The following STARD13 variants were observed in gnomAD, a reference collection of about 807,000 sequenced individuals.
The protein encoded by STARD13 is stAR-related lipid transfer protein 13.
A neutral mutation model predicts 106.4 loss-of-function variants in STARD13; 62 were observed. That is an observed-to-expected ratio of 0.58 (90% CI 0.48 to 0.72). STARD13 has a LOEUF of 0.72. Ranked by LOEUF, STARD13 falls within the 30% of genes least tolerant of loss-of-function variation. The pLI, the probability that STARD13 is intolerant of heterozygous loss-of-function variation, is 0.00. For missense variants in STARD13, 1,387 were observed against 1,424.0 expected, an observed-to-expected ratio of 0.97 and a Z score of 0.42; for synonymous variants, 565 against 553.0, an observed-to-expected ratio of 1.02 and a Z score of -0.31.
chr13:33,438,664 A>T, the STARD13 span, among the ~76,000 whole-genome samples: 2 of 152,142 alleles, frequency 1.3e-5, no homozygotes, highest in Non-Finnish European at 2.9e-5. Context: ...TTTTGCCTGG[A>T]GGCCCAGTGT....
the STARD13 span, among the ~76,000 whole-genome samples, chr13:33,612,028 C>T: frequency 1.3e-5 from 2 of 152,118 alleles, no homozygotes; most frequent in African/African-American, 4.8e-5. Context: ...TGTGATGCCT[C>T]CTGGATAAAA....
intron 1 of STARD13, among the ~76,000 whole-genome samples, chr13:33,314,309 G>A (rs1423847524): frequency 6.6e-6 from 1 of 152,166 alleles, no homozygotes; most frequent in Non-Finnish European, 1.5e-5. Flanking sequence ...ACCCAGTGAT[G>A]GCTAACTCAA....
chr13:33,379,982 A>G, the STARD13 span, among the ~76,000 whole-genome samples: 1 of 147,658 alleles, frequency 6.8e-6, no homozygotes, highest in Non-Finnish European at 1.5e-5. Context: ...CTCAGACATG[A>G]CTCATAAAAA....
At chr13:33,506,074 A>G in the STARD13 span, among the ~76,000 whole-genome samples, 1 of 152,146 alleles carries the variant, frequency 6.6e-6, no homozygotes, top group African/African-American at 2.4e-5. Flanking sequence ...AGTGACATGC[A>G]CTTGTCGGGG....
At chr13:33,232,187 C>T (rs1888960386) in intron 1 of STARD13, among the ~76,000 whole-genome samples, 1 of 152,068 alleles carries the variant, frequency 6.6e-6, no homozygotes, top group Non-Finnish European at 1.5e-5. Flanking sequence ...GTGGTGTGTG[C>T]CTGTAATCCC....
intron 1 of STARD13, among the ~76,000 whole-genome samples, chr13:33,325,950 A>C (rs969554153): frequency 2.2e-5 from 3 of 138,804 alleles, no homozygotes; most frequent in Non-Finnish European, 4.5e-5. Flanking sequence ...GCGCCACTGC[A>C]CTCCAGCCTG....
chr13:33,321,885 A>G lies in STARD13; in HGVS notation c.124+28405T>C, dbSNP rs574494985. Among the ~76,000 whole-genome samples the G allele has an allele frequency of 1.8e-4, 27 of 152,316 alleles. No homozygotes were observed. The Middle Eastern group carries it at 0.01, about 58-fold the overall frequency. On this transcript the variant is annotated intron_variant, in intron 1 of 5. Coordinates refer to the STARD13 transcript ENST00000567873. ...CACTTACACACTCAGTTTGCAGAGC[A>G]TTCATGCGTAATTTTTGGAAAATTT...
intron 4 of STARD13, among the ~76,000 whole-genome samples, chr13:33,140,324 T>C (rs974611660): frequency 2.0e-5 from 3 of 152,246 alleles, no homozygotes; most frequent in East Asian, 1.9e-4. Context: ...AGCCACACTT[T>C]AGACACACAG....
chr13:33,287,818 G>A (rs1347544429), upstream of STARD13, among the ~76,000 whole-genome samples: 1 of 152,140 alleles, frequency 6.6e-6, no homozygotes, highest in Non-Finnish European at 1.5e-5. Flanking sequence ...TACTGGAAGA[G>A]AATGGAAGGA....
chr13:33,482,289 C>T, the STARD13 span, among the ~76,000 whole-genome samples: 1 of 152,116 alleles, frequency 6.6e-6, no homozygotes, highest in Non-Finnish European at 1.5e-5. Context: ...ACTCTTCTAT[C>T]TAGTCTTGCT....
At chr13:33,308,520 CTTTT>C (rs552526416) in intron 1 of STARD13, among the ~76,000 whole-genome samples, 2 of 88,588 alleles carry the variant, frequency 2.3e-5, no homozygotes, top group African/African-American at 4.4e-5. Flanking sequence ...CTTTTTCTTT[CTTTT>C]TTTTTTTTTT....
At chr13:33,105,757 A>G in intron 13 of STARD13, 47 bp from the exon 14 acceptor site, 1 of 1,509,756 alleles carries the variant, frequency 6.6e-7, no homozygotes, top group Non-Finnish European at 9.2e-7. Flanking sequence ...TTGTTTCCAA[A>G]TCACAGCAAT....
intron 1 of STARD13, chr13:33,186,124 C>T (rs1016646727): frequency 1.6e-5 from 23 of 1,425,104 alleles, no homozygotes; most frequent in Non-Finnish European, 2.2e-5. Context: ...CAGTGACCTG[C>T]GAAGCCTCAG....
At chr13:33,357,858 G>C in the STARD13 span, among the ~76,000 whole-genome samples, 7 of 152,232 alleles carry the variant, frequency 4.6e-5, no homozygotes, top group African/African-American at 9.6e-5. Context: ...CAACTCCCCT[G>C]CCTGGGCTCT....
At chr13:33,194,478 T>C (rs140100400) in intron 1 of STARD13, among the ~76,000 whole-genome samples, 188 of 152,340 alleles carry the variant, frequency 1.2e-3, no homozygotes, top group African/African-American at 4.1e-3. Flanking sequence ...TCTTTCATGG[T>C]AAGAATATTT....
chr13:33,641,313 T>G, the STARD13 span, among the ~76,000 whole-genome samples: 2 of 151,080 alleles, frequency 1.3e-5, no homozygotes, highest in Non-Finnish European at 2.9e-5. Flanking sequence ...ACTCCTGAGC[T>G]CAAATGATCC....
At chr13:33,380,907 CA>C in the STARD13 span, among the ~76,000 whole-genome samples, 2 of 152,080 alleles carry the variant, frequency 1.3e-5, no homozygotes, top group Admixed American at 1.3e-4. Context: ...GGTGGCACAG[CA>C]TGGCATGGCA....
the STARD13 span, among the ~76,000 whole-genome samples, chr13:33,468,507 T>C: frequency 6.6e-6 from 1 of 152,152 alleles, no homozygotes; most frequent in Non-Finnish European, 1.5e-5. Flanking sequence ...GCCATTATCA[T>C]GGTAGTGTGT....
intron 12 of STARD13, among the ~76,000 whole-genome samples, chr13:33,107,494 T>A (rs550907357): frequency 1.3e-5 from 2 of 152,232 alleles, no homozygotes; most frequent in East Asian, 3.9e-4. Context: ...GAGGAGGGCA[T>A]GCTCAAAGAG....
Sources: allele counts gnomAD v4.1 joint callset (sites outside exome capture counted in the v4.1 genomes callset), GRCh38; gene constraint gnomAD v4.1.1; transcripts MANE v1.5; gene names NCBI Gene and HGNC (gene_info 2026-07-23, HGNC 2026-07-21).